The following RYK variants were observed in gnomAD, a reference collection of about 807,000 sequenced individuals.
RYK encodes the protein inactive tyrosine-protein kinase RYK.
A neutral mutation model predicts 70.2 loss-of-function variants in RYK; 21 were observed. The ratio of observed to expected loss-of-function variants is 0.30; its 90% CI spans 0.21 to 0.43. The LOEUF (loss-of-function observed/expected upper bound fraction) is 0.43, where lower values mean the gene tolerates loss of function less well. RYK is among the 20% of genes least tolerant of loss of function. RYK has a pLI of 1.00. For synonymous variants in RYK, 267 were observed against 278.0 expected (o/e 0.96, Z 0.39); for missense variants, 604 against 753.3 (o/e 0.80, Z 2.32).
In RYK at chr3:134,173,050, GTTTC is replaced by G. The variant is rs146733563; in HGVS notation, c.1575+2555_1575+2558del. Among the ~76,000 whole-genome samples, 127 of 152,270 alleles carry G rather than the reference GTTTC, an allele frequency of 8.3e-4. No homozygotes were observed. In the South Asian group the frequency reaches 0.011, roughly 13 times the overall value. ...TCATCTCACAAATGTCAGATAAATT[GTTTC>G]TTTGAGAATAGTTTATCTTGAGTTA... On this transcript the variant is annotated intron_variant, in intron 13 of 14. Coordinates refer to ENST00000623711, the MANE Select transcript of RYK (RefSeq NM_002958.4).
intron 1 of RYK, among the ~76,000 whole-genome samples, chr3:134,223,531 A>G (rs1006135227): frequency 3.9e-5 from 6 of 152,174 alleles, no homozygotes; most frequent in African/African-American, 1.4e-4. Flanking sequence ...GCCTACCAAG[A>G]AGGCAGTGAA....
chr3:134,232,538 A>T (rs1332963898), intron 1 of RYK, among the ~76,000 whole-genome samples: 1 of 152,244 alleles, frequency 6.6e-6, no homozygotes, highest in Admixed American at 6.5e-5. Flanking sequence ...TTGTAAATTT[A>T]AAATTCACTA....
chr3:134,196,212 G>T (rs2013806186), intron 6 of RYK, among the ~76,000 whole-genome samples: 2 of 152,088 alleles, frequency 1.3e-5, no homozygotes, highest in South Asian at 4.2e-4. Context: ...TTGTCTCGTG[G>T]GTACATTTCG....
chr3:134,179,476 C>T (rs1560005033), intron 10 of RYK: 2 of 152,166 alleles, frequency 1.3e-5, no homozygotes, highest in Middle Eastern at 3.1e-3. Context: ...TATAACCGCT[C>T]AAGTGGCAGC....
At chr3:134,198,406 C>A (rs921985060) in intron 6 of RYK, among the ~76,000 whole-genome samples, 1 of 152,212 alleles carries the variant, frequency 6.6e-6, no homozygotes. Flanking sequence ...AGGTACTGTA[C>A]TGGGTGCTAG....
chr3:134,248,896 G>A (rs1172590425), intron 1 of RYK, among the ~76,000 whole-genome samples: 2 of 151,968 alleles, frequency 1.3e-5, no homozygotes, highest in Non-Finnish European at 2.9e-5. Context: ...ACTGGGCCCC[G>A]AGAAAATTAG....
chr3:134,188,480 G>A (rs2013541876), intron 9 of RYK, among the ~76,000 whole-genome samples: 1 of 152,074 alleles, frequency 6.6e-6, no homozygotes, highest in East Asian at 1.9e-4. Flanking sequence ...AATTTTAAAT[G>A]TACACACCCT....
At chr3:134,232,148 G>A (rs1199102478) in intron 1 of RYK, among the ~76,000 whole-genome samples, 1 of 152,100 alleles carries the variant, frequency 6.6e-6, no homozygotes, top group African/African-American at 2.4e-5. Flanking sequence ...GGGTCATTCT[G>A]TCTCCAGTAT....
chr3:134,171,365 AC>A (rs1313807955), intron 13 of RYK, among the ~76,000 whole-genome samples: 3 of 152,264 alleles, frequency 2.0e-5, no homozygotes, highest in Admixed American at 1.3e-4. Context: ...GCCAGCTAAT[AC>A]CCAGCTGAAG....
At chr3:134,166,599 ATCTGTT>A (rs1444233977) in intron 13 of RYK, among the ~76,000 whole-genome samples, 6 of 152,262 alleles carry the variant, frequency 3.9e-5, no homozygotes, top group African/African-American at 7.2e-5. Flanking sequence ...CATTACACAT[ATCTGTT>A]ATTTATGGCA....
At chr3:134,163,927 C>A (rs2012568499) in intron 13 of RYK, among the ~76,000 whole-genome samples, 1 of 152,218 alleles carries the variant, frequency 6.6e-6, no homozygotes, top group South Asian at 2.1e-4. Flanking sequence ...GGGGTGCTTG[C>A]TAAAAAGTCC....
chr3:134,206,762 G>A (rs1371044360), intron 5 of RYK, among the ~76,000 whole-genome samples: 1 of 152,142 alleles, frequency 6.6e-6, no homozygotes, highest in Non-Finnish European at 1.5e-5. Flanking sequence ...CAAAAGGAGG[G>A]AATCAATGGA....
intron 5 of RYK, among the ~76,000 whole-genome samples, chr3:134,204,706 T>A (rs1039396562): frequency 2.0e-5 from 3 of 150,626 alleles, no homozygotes; most frequent in Non-Finnish European, 2.9e-5. Flanking sequence ...CAAACAGAAG[T>A]AGAACTGGTG....
intron 4 of RYK, among the ~76,000 whole-genome samples, chr3:134,208,472 A>G (rs1321092463): frequency 6.6e-6 from 1 of 152,218 alleles, no homozygotes; most frequent in East Asian, 1.9e-4. Context: ...TGTCTTTAAC[A>G]TTACATGGAA....
intron 10 of RYK, among the ~76,000 whole-genome samples, chr3:134,182,649 A>T (rs1259138708): frequency 6.6e-6 from 1 of 152,206 alleles, no homozygotes; most frequent in Admixed American, 6.5e-5. Context: ...TTGAGGTCCT[A>T]TACGTTCAAA....
intron 13 of RYK, among the ~76,000 whole-genome samples, chr3:134,171,703 CA>C (rs1390909917): frequency 6.6e-6 from 1 of 151,920 alleles, no homozygotes; most frequent in African/African-American, 2.4e-5. Context: ...TCCATCTCTA[CA>C]AAAAATAAAA....
chr3:134,241,448 T>G (rs1167404982), intron 1 of RYK, among the ~76,000 whole-genome samples: 6 of 152,186 alleles, frequency 3.9e-5, no homozygotes, highest in Non-Finnish European at 7.3e-5. Flanking sequence ...AAGTACATCC[T>G]TATTTTTTGT....
At chr3:134,159,514 T>C in intron 13 of RYK, 141 bp from the exon 14 acceptor site, 1 of 709,488 alleles carries the variant, frequency 1.4e-6, no homozygotes, top group Non-Finnish European at 2.2e-6. Context: ...AAAAAATGTC[T>C]ATCATACACA....
chr3:134,222,338 C>A (rs1185024710), intron 2 of RYK, 80 bp downstream of exon 2: 3 of 1,459,054 alleles, frequency 2.1e-6, no homozygotes, highest in African/African-American at 2.8e-5. Context: ...GTACAGACAG[C>A]AGCCCAGTCC....
Sources: gnomAD v4.1 joint callset for allele counts (sites outside exome capture counted in the v4.1 genomes callset) on GRCh38, gnomAD v4.1.1 for gene constraint, MANE v1.5 for transcripts, NCBI Gene and HGNC (gene_info 2026-07-23, HGNC 2026-07-21) for gene names.